CCSER1: variants seen among roughly 807,000 people sequenced by gnomAD.
CCSER1 encodes the protein coiled-coil serine rich protein 1, also known as serine-rich coiled-coil domain-containing protein 1.
In CCSER1, 41 loss-of-function variants were observed where a neutral mutation model predicts 82.0. The observed-to-expected ratio is 0.50, with a 90% CI of 0.39 to 0.65. The LOEUF (loss-of-function observed/expected upper bound fraction) is 0.65, where lower values mean the gene tolerates loss of function less well. Among genes scored for constraint, CCSER1 ranks in the 30% least tolerant of loss-of-function variants. CCSER1 has a pLI of 0.00. For missense variants in CCSER1, 1,119 were observed against 1,064.2 expected (o/e 1.05, Z -0.72); for synonymous variants, 414 against 383.9 (o/e 1.08, Z -0.92).
At chr4:91,415,064 G>C (rs539235897) in intron 10 of CCSER1, among the ~76,000 whole-genome samples, 1 of 152,126 alleles carries the variant, frequency 6.6e-6, no homozygotes, top group Non-Finnish European at 1.5e-5. Context: ...GACTTGAATA[G>C]TGCTATGTGG....
At chr4:91,354,158 T>A (rs4408924) in intron 10 of CCSER1, among the ~76,000 whole-genome samples, 3,009 of 152,306 alleles carry the variant, frequency 0.02, 90 homozygotes, top group African/African-American at 0.067. Flanking sequence ...ATGATTCAGT[T>A]GAGCATGTAG....
At chr4:90,625,351 A>G (rs957580482) in intron 5 of CCSER1, among the ~76,000 whole-genome samples, 1 of 152,208 alleles carries the variant, frequency 6.6e-6, no homozygotes, top group East Asian at 1.9e-4. Context: ...TTAATATTCA[A>G]TACATTGAAC....
intron 7 of CCSER1, among the ~76,000 whole-genome samples, chr4:90,749,334 G>T (rs552247740): frequency 4.6e-5 from 7 of 151,936 alleles, no homozygotes; most frequent in Admixed American, 2.0e-4. Context: ...GTTTGTCAAA[G>T]ATCAGATAGT....
chr4:90,242,007 T>A (rs1348742486), intron 1 of CCSER1, among the ~76,000 whole-genome samples: 1 of 152,014 alleles, frequency 6.6e-6, no homozygotes, highest in African/African-American at 2.4e-5. Flanking sequence ...TTATCTACCA[T>A]GAAAATAACA....
At chr4:90,340,732 C>T (rs999575624) in intron 3 of CCSER1, among the ~76,000 whole-genome samples, 21 of 152,126 alleles carry the variant, frequency 1.4e-4, no homozygotes, top group African/African-American at 4.6e-4. Context: ...CAAACATTCC[C>T]ATAAGGTTTA....
At chr4:90,406,247 A>G (rs1753701461) in intron 4 of CCSER1, among the ~76,000 whole-genome samples, 1 of 152,220 alleles carries the variant, frequency 6.6e-6, no homozygotes, top group African/African-American at 2.4e-5. Context: ...TTAAAGCAAC[A>G]GCAGTTAAAA....
chr4:91,159,723 G>A (rs980942500), intron 10 of CCSER1, among the ~76,000 whole-genome samples: 2 of 151,958 alleles, frequency 1.3e-5, no homozygotes, highest in East Asian at 1.9e-4. Flanking sequence ...GAAATTTACT[G>A]TTGTGTGTGA....
At chr4:90,399,008 G>A (rs887161732) in intron 3 of CCSER1, among the ~76,000 whole-genome samples, 30 of 152,150 alleles carry the variant, frequency 2.0e-4, no homozygotes, top group Admixed American at 1.6e-3. Context: ...GCTAACATTC[G>A]AATTAGCTGA....
At chr4:90,902,664 A>G (rs1258194736) in intron 8 of CCSER1, among the ~76,000 whole-genome samples, 1 of 152,044 alleles carries the variant, frequency 6.6e-6, no homozygotes, top group Non-Finnish European at 1.5e-5. Flanking sequence ...GCTTAGGGTG[A>G]GGAGGAAGGA....
intron 5 of CCSER1, among the ~76,000 whole-genome samples, chr4:90,566,287 A>G (rs1779368672): frequency 1.3e-5 from 2 of 152,204 alleles, no homozygotes; most frequent in East Asian, 1.9e-4. Flanking sequence ...CTTTGGTATT[A>G]GAGTGAGACT....
At chr4:90,619,984 T>C (rs1265071416) in intron 5 of CCSER1, among the ~76,000 whole-genome samples, 1 of 152,122 alleles carries the variant, frequency 6.6e-6, no homozygotes, top group African/African-American at 2.4e-5. Context: ...ACGTCAACCT[T>C]CTCTTTTTAA....
intron 9 of CCSER1, among the ~76,000 whole-genome samples, chr4:91,059,314 A>ATATATATATATATAGTGTATATATATGTG (rs1743739940): frequency 1.4e-5 from 2 of 143,970 alleles, no homozygotes; most frequent in Admixed American, 6.9e-5. Context: ...ATACGTGTAT[A>ATATATATATATATAGTGTATATATATGTG]TATATATACA....
At chr4:90,713,388 T>A (rs749850980) in intron 6 of CCSER1, among the ~76,000 whole-genome samples, 39 of 152,224 alleles carry the variant, frequency 2.6e-4, no homozygotes, top group Non-Finnish European at 5.1e-4. Context: ...ATCTTATTTC[T>A]CTTTCACTTA....
intron 6 of CCSER1, among the ~76,000 whole-genome samples, chr4:90,646,403 CT>C: frequency 6.6e-6 from 1 of 152,114 alleles, no homozygotes; most frequent in Middle Eastern, 3.4e-3. Context: ...TTTGTATACA[CT>C]GGGGTTTAGG....
At chr4:91,000,912 A>T (rs1046957896) in intron 9 of CCSER1, among the ~76,000 whole-genome samples, 1 of 151,958 alleles carries the variant, frequency 6.6e-6, no homozygotes, top group African/African-American at 2.4e-5. Context: ...GATGCCTTTT[A>T]TATCTTTATA....
intron 10 of CCSER1, among the ~76,000 whole-genome samples, chr4:91,547,577 A>G (rs116275060): frequency 0.013 from 2,000 of 152,228 alleles, 30 homozygotes; most frequent in African/African-American, 0.044. Context: ...TTCATATTTA[A>G]AATGGGTTCT....
At chr4:90,935,373 T>C (rs1470233234) in intron 9 of CCSER1, among the ~76,000 whole-genome samples, 4 of 152,266 alleles carry the variant, frequency 2.6e-5, no homozygotes, top group African/African-American at 9.6e-5. Flanking sequence ...TGTCTGCACG[T>C]ACCGGCTCCC....
intron 10 of CCSER1, among the ~76,000 whole-genome samples, chr4:91,582,194 T>C (rs74735963): frequency 0.014 from 2,049 of 151,672 alleles, 32 homozygotes; most frequent in African/African-American, 0.044. Context: ...TTGAAAATGA[T>C]TGCTACATGT....
intron 10 of CCSER1, among the ~76,000 whole-genome samples, chr4:91,273,809 T>G (rs1395342499): frequency 6.6e-6 from 1 of 152,190 alleles, no homozygotes; most frequent in East Asian, 1.9e-4. Context: ...GTTTTAATCA[T>G]AAAAGGATGC....
Sources: allele counts gnomAD v4.1 joint callset (sites outside exome capture counted in the v4.1 genomes callset), GRCh38; gene constraint gnomAD v4.1.1; transcripts MANE v1.5; gene names NCBI Gene and HGNC (gene_info 2026-07-23, HGNC 2026-07-21).